Variants in DIAPH3 observed in about 807,000 individuals in gnomAD.
The protein encoded by DIAPH3 is protein diaphanous homolog 3.
In DIAPH3, 117 loss-of-function variants were observed where a neutral mutation model predicts 144.3. That is an observed-to-expected ratio of 0.81 (90% CI 0.70 to 0.95). The LOEUF (loss-of-function observed/expected upper bound fraction) is 0.95, where lower values mean the gene tolerates loss of function less well. Among genes scored for constraint, DIAPH3 ranks in the 40% least tolerant of loss-of-function variants. DIAPH3 has a pLI of 0.00. For synonymous variants in DIAPH3, 519 were observed against 488.9 expected, an observed-to-expected ratio of 1.06 and a Z score of -0.81; for missense variants, 1,421 against 1,412.7, an observed-to-expected ratio of 1.01 and a Z score of -0.09.
At chr13:59,914,900 T>G (rs1419451236) in intron 19 of DIAPH3, among the ~76,000 whole-genome samples, 1 of 152,192 alleles carries the variant, frequency 6.6e-6, no homozygotes, top group African/African-American at 2.4e-5. Context: ...GCAAATAAGT[T>G]CTTGGTGAAT....
intron 17 of DIAPH3, among the ~76,000 whole-genome samples, chr13:59,963,840 G>T (rs1039464916): frequency 2.0e-5 from 3 of 152,180 alleles, no homozygotes; most frequent in African/African-American, 7.2e-5. Context: ...TTAGAGGCAT[G>T]AGCCATTGTG....
At chr13:59,733,576 G>A (rs1201582748) in intron 27 of DIAPH3, among the ~76,000 whole-genome samples, 2 of 152,142 alleles carry the variant, frequency 1.3e-5, no homozygotes, top group East Asian at 3.8e-4. Flanking sequence ...TAATATCTAA[G>A]ATAGGAAGGT....
chr13:60,068,799 G>A (rs1158755186), intron 4 of DIAPH3, among the ~76,000 whole-genome samples: 17 of 152,216 alleles, frequency 1.1e-4, no homozygotes, highest in African/African-American at 3.4e-4. Flanking sequence ...TTCCATCCAC[G>A]TTGCTGCAAA....
chr13:59,931,073 T>C (rs985051143), intron 17 of DIAPH3, among the ~76,000 whole-genome samples: 22 of 152,284 alleles, frequency 1.4e-4, no homozygotes, highest in African/African-American at 4.8e-4. Context: ...CCTACCTCCA[T>C]ATCTGCTCTC....
chr13:59,949,643 A>G (rs1187643568), intron 17 of DIAPH3, among the ~76,000 whole-genome samples: 1 of 152,182 alleles, frequency 6.6e-6, no homozygotes, highest in East Asian at 1.9e-4. Context: ...CTGCAATAGC[A>G]CAGCTGAGTA....
intron 4 of DIAPH3, among the ~76,000 whole-genome samples, chr13:60,046,737 G>A (rs151180250): frequency 0.07 from 10,641 of 152,200 alleles, 410 homozygotes; most frequent in Admixed American, 0.11. Context: ...GCCCATCAAT[G>A]ATAGACTGGA....
intron 5 of DIAPH3, among the ~76,000 whole-genome samples, chr13:60,032,775 T>C (rs954404736): frequency 1.3e-5 from 2 of 152,384 alleles, no homozygotes; most frequent in African/African-American, 2.4e-5. Flanking sequence ...TTTTTAGTTA[T>C]GCAAATTTGT....
chr13:59,762,050 A>ACCTT (rs1389648314), intron 27 of DIAPH3, among the ~76,000 whole-genome samples: 1 of 118,990 alleles, frequency 8.4e-6, no homozygotes, highest in African/African-American at 3.0e-5. Flanking sequence ...AAGCGTCAGC[A>ACCTT]TCTTTTTTTT....
At position 60,118,946 on chromosome 13, in the gene DIAPH3, C is replaced by T. The variant is rs115681672; in HGVS notation, c.214-6760G>A. On this transcript the variant is annotated intron_variant, in intron 2 of 27. Coordinates refer to ENST00000400324, the MANE Select transcript of DIAPH3 (RefSeq NM_001042517.2). ...TCTCTTCCTATGTCCTTTCACATGA[C>T]TTACGAAAATCTGTAATTATCTCAT... 1.9e-3 allele frequency among the ~76,000 whole-genome samples: 290 copies of T among 152,296 alleles called. 2 individuals are homozygous for T. Among genetic ancestry groups the T allele is most frequent in the African/African-American group, 6.6e-3 (274 of 41,566 alleles).
intron 5 of DIAPH3, among the ~76,000 whole-genome samples, chr13:60,038,074 G>A (rs371670066): frequency 2.6e-5 from 4 of 151,790 alleles, no homozygotes; most frequent in African/African-American, 9.7e-5. Context: ...AGAAAGGAAT[G>A]ATAAACCCAA....
chr13:60,097,995 G>T (rs551131558), intron 3 of DIAPH3, among the ~76,000 whole-genome samples: 100 of 152,238 alleles, frequency 6.6e-4, no homozygotes, highest in Admixed American at 1.3e-3. Context: ...CCTAAAAAAT[G>T]CATATCCATA....
intron 22 of DIAPH3, among the ~76,000 whole-genome samples, chr13:59,847,911 C>A (rs1050917544): frequency 6.6e-6 from 1 of 152,182 alleles, no homozygotes; most frequent in African/African-American, 2.4e-5. Flanking sequence ...ATTTAGCTGG[C>A]ACCTTAAACT....
At chr13:60,130,008 T>TA (rs1486942297) in intron 2 of DIAPH3, among the ~76,000 whole-genome samples, 1 of 152,138 alleles carries the variant, frequency 6.6e-6, no homozygotes, top group East Asian at 1.9e-4. Context: ...TACTTAAACT[T>TA]AAGAAACTCA....
intron 4 of DIAPH3, among the ~76,000 whole-genome samples, chr13:60,088,178 T>C (rs1007593327): frequency 4.0e-5 from 6 of 151,576 alleles, no homozygotes; most frequent in Non-Finnish European, 7.4e-5. Flanking sequence ...CGAAAATTAA[T>C]TGGGGAAAAA....
At chr13:60,141,156 A>AT (rs2059418409) in intron 1 of DIAPH3, among the ~76,000 whole-genome samples, 2 of 152,110 alleles carry the variant, frequency 1.3e-5, no homozygotes, top group South Asian at 4.1e-4. Flanking sequence ...GAAATCTATC[A>AT]TTTTTCTTTA....
At position 59,833,094 on chromosome 13, in the gene DIAPH3, T is replaced by A; in HGVS notation, c.3027+13A>T. The A allele has an allele frequency of 1.9e-6, 3 of 1,603,620 alleles. No homozygotes were observed. The highest frequency in any genetic ancestry group is 2.6e-6 in the Non-Finnish European group (3 of 1,175,120). On this transcript the variant is annotated intron_variant, in intron 24 of 27. Transcript: ENST00000400324. ...ATAAAAAAACTTTTTAAAAAACAAT[T>A]TTTTTACCATACCATGAATGTGGTT...
At chr13:59,834,354 C>A (rs1323991393) in intron 23 of DIAPH3, among the ~76,000 whole-genome samples, 3 of 151,652 alleles carry the variant, frequency 2.0e-5, no homozygotes, top group African/African-American at 7.3e-5. Context: ...AGTCCTTTTA[C>A]TAACTTTGAC....
Position 60,015,970 on chromosome 13 carries a change from A to T in DIAPH3, c.714T>A (p.Val238=). The change falls in exon 7 of 28, where the codon GTT becomes GTA. Residue 238 remains valine (V), a synonymous_variant. Transcript: ENST00000400324. ...KLISGKIQEK[V]VKKNQHKVIQ... ...TGACTTTATGTTGATTTTTCTTTAC[A>T]ACTTTTTCTTGGCTGTATTGACATA... The T allele has an allele frequency of 6.2e-7, 1 of 1,613,412 alleles. No individual in the cohort carries two copies. Among genetic ancestry groups the T allele is most frequent in the Non-Finnish European group, 8.5e-7 (1 of 1,179,712 alleles).
chr13:59,902,521 C>A (rs982347000), intron 20 of DIAPH3, among the ~76,000 whole-genome samples: 3 of 152,260 alleles, frequency 2.0e-5, no homozygotes, highest in African/African-American at 7.2e-5. Flanking sequence ...TCTTTATAGT[C>A]CTAGCACTTT....
Sources: gnomAD v4.1 joint callset for allele counts (sites outside exome capture counted in the v4.1 genomes callset) on GRCh38, gnomAD v4.1.1 for gene constraint, MANE v1.5 for transcripts, NCBI Gene and HGNC (gene_info 2026-07-23, HGNC 2026-07-21) for gene names.